CHL1: variants seen among roughly 807,000 people sequenced by gnomAD.
CHL1 encodes cell adhesion molecule L1 like, also known as neural cell adhesion molecule L1-like protein.
CHL1 carries 96 observed loss-of-function variants against 141.9 expected under a neutral mutation model. The observed-to-expected ratio is 0.68, with a 90% confidence interval of 0.57 to 0.80. CHL1 has a LOEUF of 0.80. Among genes scored for constraint, CHL1 ranks in the 30% least tolerant of loss-of-function variants. CHL1 has a pLI of 0.00. For missense variants in CHL1, 1,820 were observed against 1,457.2 expected, an observed-to-expected ratio of 1.25 and a Z score of -4.05; for synonymous variants, 613 against 502.2, an observed-to-expected ratio of 1.22 and a Z score of -2.95.
intron 2 of CHL1, among the ~76,000 whole-genome samples, chr3:290,827 T>C (rs1697621025): frequency 6.6e-6 from 1 of 151,632 alleles, no homozygotes; most frequent in Non-Finnish European, 1.5e-5. Flanking sequence ...TCCCAGCTAC[T>C]TGGGAGGCTG....
intron 1 of CHL1, among the ~76,000 whole-genome samples, chr3:235,535 T>C (rs1363564100): frequency 6.6e-6 from 1 of 152,168 alleles, no homozygotes; most frequent in Non-Finnish European, 1.5e-5. Context: ...TTGCCCACAA[T>C]TAACTGGTGT....
At chr3:330,314 CAT>C (rs930106367) in intron 5 of CHL1, among the ~76,000 whole-genome samples, 1 of 151,930 alleles carries the variant, frequency 6.6e-6, no homozygotes, top group African/African-American at 2.4e-5. Flanking sequence ...CATAACAAAA[CAT>C]GTTGAATGCA....
At chr3:337,881 T>TATACCCAGTAATGGGATGGCTG (rs1702037572) in intron 5 of CHL1, among the ~76,000 whole-genome samples, 2 of 152,206 alleles carry the variant, frequency 1.3e-5, no homozygotes, top group African/African-American at 2.4e-5. Context: ...CCTTTGGGTA[T>TATACCCAGTAATGGGATGGCTG]ATACCCAGTA....
At chr3:358,481 C>A (rs1703915624) in intron 11 of CHL1, among the ~76,000 whole-genome samples, 1 of 152,142 alleles carries the variant, frequency 6.6e-6, no homozygotes, top group African/African-American at 2.4e-5. Flanking sequence ...TGTAAAGTAA[C>A]AAAGTCATAC....
At chr3:216,519 G>A (rs1446760167) in intron 1 of CHL1, among the ~76,000 whole-genome samples, 1 of 152,146 alleles carries the variant, frequency 6.6e-6, no homozygotes, top group Non-Finnish European at 1.5e-5. Context: ...CCCTAGGAGA[G>A]TCAACTCTAC....
chr3:408,542 A>G lies in CHL1; in HGVS notation c.*2831A>G, dbSNP rs1333972945. On this transcript the variant is annotated 3_prime_UTR_variant, in exon 28 of 28. Coordinates refer to ENST00000256509, the MANE Select transcript of CHL1 (RefSeq NM_006614.4). ...TTATGAAGAAAAATTTGAAAATGAT[A>G]AAAGCTAAGATGCCTTCTAACTTCA... is the stretch of plus-strand genomic sequence containing the variant. 1 of 152,184 alleles carries G rather than the reference A, an allele frequency of 6.6e-6. No homozygotes were observed. Among genetic ancestry groups the G allele is most frequent in the Non-Finnish European group, 1.5e-5 (1 of 68,020 alleles). The allele number at this position is 152,184 out of a possible 1,614,324, so 9.4% of individuals were successfully genotyped here.
intron 2 of CHL1, among the ~76,000 whole-genome samples, chr3:300,815 G>A (rs1314101864): frequency 6.6e-6 from 1 of 152,108 alleles, no homozygotes; most frequent in South Asian, 2.1e-4. Flanking sequence ...TGATATGAAA[G>A]GTTTCCGAAG....
chr3:336,040 C>T (rs1000041690), intron 5 of CHL1, among the ~76,000 whole-genome samples: 12 of 152,172 alleles, frequency 7.9e-5, no homozygotes, highest in African/African-American at 2.9e-4. Flanking sequence ...ACATTTCCCA[C>T]TTATGAATGA....
At chr3:287,522 C>G (rs1574965189) in intron 2 of CHL1, among the ~76,000 whole-genome samples, 1 of 152,136 alleles carries the variant, frequency 6.6e-6, no homozygotes, top group Non-Finnish European at 1.5e-5. Flanking sequence ...TGAGATACCT[C>G]CTTATAATCT....
chr3:324,820 G>T (rs955121008), intron 3 of CHL1, among the ~76,000 whole-genome samples: 7 of 151,670 alleles, frequency 4.6e-5, no homozygotes, highest in Admixed American at 3.3e-4. Flanking sequence ...GAACTCCTGG[G>T]CTTAAGTGAC....
intron 16 of CHL1, among the ~76,000 whole-genome samples, chr3:379,685 T>A (rs1706789078): frequency 6.6e-6 from 1 of 152,192 alleles, no homozygotes; most frequent in Non-Finnish European, 1.5e-5. Context: ...ATTAATTTTT[T>A]TAATTCTACA....
At chr3:369,758 T>C (rs1200356220) in intron 15 of CHL1, among the ~76,000 whole-genome samples, 1 of 152,210 alleles carries the variant, frequency 6.6e-6, no homozygotes, top group Non-Finnish European at 1.5e-5. Flanking sequence ...TCTTATTATT[T>C]TGAGATGTGT....
chr3:315,553 A>C (rs1700094845), intron 2 of CHL1, among the ~76,000 whole-genome samples: 1 of 152,194 alleles, frequency 6.6e-6, no homozygotes, highest in Admixed American at 6.5e-5. Context: ...TGGTCACTTT[A>C]TAATACTCAT....
intron 5 of CHL1, among the ~76,000 whole-genome samples, chr3:337,993 G>C (rs1010788440): frequency 6.6e-6 from 1 of 152,240 alleles, no homozygotes; most frequent in Non-Finnish European, 1.5e-5. Context: ...CCAACAGTTT[G>C]AAAGTGTTCC....
At chr3:235,624 T>C (rs1213042474) in intron 1 of CHL1, among the ~76,000 whole-genome samples, 2 of 152,320 alleles carry the variant, frequency 1.3e-5, no homozygotes, top group East Asian at 1.9e-4. Context: ...ATAGTGCTTC[T>C]CTATAAATTG....
At chr3:365,888 G>A (rs1307875165) in intron 14 of CHL1, 62 bp from the exon 15 acceptor site, 2 of 1,367,842 alleles carry the variant, frequency 1.5e-6, no homozygotes, top group East Asian at 4.7e-5. Context: ...TAACTTGCAG[G>A]CACTTAATAA....
At position 368,187 on chromosome 3, in the gene CHL1, C is replaced by T. The variant is rs374134416; in HGVS notation, c.1751+2072C>T. On this transcript the variant is annotated intron_variant, in intron 15 of 27. Transcript: ENST00000256509. ...GGAATCACCACACTGTCTTCCACAACGGTTGAACTAATTTACATTCCCACC... is the reference window on the plus strand; with the variant it reads ...GGAATCACCACACTGTCTTCCACAATGGTTGAACTAATTTACATTCCCACC... Among the ~76,000 whole-genome samples, 261 of 152,228 alleles carry T rather than the reference C, an allele frequency of 1.7e-3. 1 individual carries two copies. The highest frequency in any genetic ancestry group is 5.5e-3 in the African/African-American group (229 of 41,546).
intron 1 of CHL1, 96 bp from the exon 2 acceptor site, chr3:244,517 A>C (rs1447064966): frequency 2.0e-5 from 3 of 146,394 alleles, no homozygotes; most frequent in African/African-American, 5.5e-5. Flanking sequence ...AAGAAAAATT[A>C]AATCCATTTT....
intron 1 of CHL1, among the ~76,000 whole-genome samples, chr3:224,439 G>C (rs1414812849): frequency 6.6e-6 from 1 of 152,142 alleles, no homozygotes; most frequent in Non-Finnish European, 1.5e-5. Flanking sequence ...TTTGGGTCAT[G>C]GGAACAGATC....
Sources: allele counts gnomAD v4.1 joint callset (sites outside exome capture counted in the v4.1 genomes callset), GRCh38; gene constraint gnomAD v4.1.1; transcripts MANE v1.5; gene names NCBI Gene and HGNC (gene_info 2026-07-23, HGNC 2026-07-21).